Variants in DNM3 observed in about 807,000 individuals in gnomAD.
DNM3 encodes dynamin 3, also known as dynamin-3.
In DNM3, 47 loss-of-function variants were observed where a neutral mutation model predicts 101.6. The observed-to-expected ratio is 0.46, with a 90% confidence interval of 0.37 to 0.59. The LOEUF (loss-of-function observed/expected upper bound fraction) is 0.59. DNM3 is among the 20% of genes least tolerant of loss of function. DNM3 has a pLI of 0.00. For synonymous variants in DNM3, 385 were observed against 387.9 expected, an observed-to-expected ratio of 0.99 and a Z score of 0.09; for missense variants, 849 against 1,085.7, an observed-to-expected ratio of 0.78 and a Z score of 3.06.
intron 10 of DNM3, among the ~76,000 whole-genome samples, chr1:172,048,959 G>C (rs141138251): frequency 6.6e-5 from 10 of 152,270 alleles, no homozygotes; most frequent in Middle Eastern, 6.8e-3. Context: ...CGGTGGTTTA[G>C]AAAGAGTATA....
intron 4 of DNM3, among the ~76,000 whole-genome samples, chr1:172,024,343 T>C (rs542079975): frequency 2.6e-5 from 4 of 152,324 alleles, no homozygotes; most frequent in African/African-American, 9.6e-5. Flanking sequence ...ACAATGCCAT[T>C]ACAAGAAGGG....
At chr1:171,984,410 G>A (rs946857937) in intron 2 of DNM3, among the ~76,000 whole-genome samples, 3 of 151,772 alleles carry the variant, frequency 2.0e-5, no homozygotes, top group Admixed American at 6.6e-5. Flanking sequence ...CCTCCACACC[G>A]CCCGGTGCTC....
intron 1 of DNM3, among the ~76,000 whole-genome samples, chr1:171,881,034 A>T (rs1004408852): frequency 7.2e-5 from 11 of 152,110 alleles, no homozygotes; most frequent in African/African-American, 2.2e-4. Context: ...TCTTTTGTTG[A>T]TATCTCCCCA....
Position 171,875,813 on chromosome 1 carries a change from C to CTTTTTTTTTTTTTTTTTT in DNM3, c.161+34012_161+34013insTTTTTTTTTTTTTTTTTT, listed in dbSNP as rs60523795. 1.2e-4 allele frequency among the ~76,000 whole-genome samples: 13 copies of CTTTTTTTTTTTTTTTTTT among 104,662 alleles called. 3 individuals are homozygous for CTTTTTTTTTTTTTTTTTT. Among genetic ancestry groups the CTTTTTTTTTTTTTTTTTT allele is most frequent in the South Asian group, 3.6e-4 (1 of 2,816 alleles). 68.7% of individuals were successfully genotyped at this position (104,662 alleles called of 152,430 possible). A position where few individuals can be genotyped will look rare whatever the true frequency, so the allele number is the denominator to read the frequency against. On this transcript the variant is annotated intron_variant, in intron 1 of 20. Transcript: ENST00000627582. ...CAAGTCTAAAAAAAGAGTTGTCTCT[C>CTTTTTTTTTTTTTTTTTT]TTTTTTTTTTTTTTTTGAGATGGAG...
intron 10 of DNM3, among the ~76,000 whole-genome samples, chr1:172,060,104 A>T (rs1234664707): frequency 6.6e-6 from 1 of 150,926 alleles, no homozygotes; most frequent in African/African-American, 2.4e-5. Context: ...CAATTGCTTC[A>T]AAGAGAATAA....
At chr1:171,959,291 AT>A (rs2043057671) in intron 2 of DNM3, among the ~76,000 whole-genome samples, 1 of 152,038 alleles carries the variant, frequency 6.6e-6, no homozygotes, top group Non-Finnish European at 1.5e-5. Flanking sequence ...CAAATGTAGT[AT>A]TTTGTATTAT....
intron 15 of DNM3, among the ~76,000 whole-genome samples, chr1:172,258,155 T>TAAAGAAAAAA (rs2062494518): frequency 6.6e-6 from 1 of 152,104 alleles, no homozygotes; most frequent in Non-Finnish European, 1.5e-5. Flanking sequence ...ACTGTGTAAA[T>TAAAGAAAAAA]ATACCACCTT....
At chr1:172,281,894 C>G (rs2063504868) in intron 15 of DNM3, among the ~76,000 whole-genome samples, 1 of 151,648 alleles carries the variant, frequency 6.6e-6, no homozygotes, top group Admixed American at 6.6e-5. Context: ...TCACAGTACC[C>G]CATAAATATG....
At chr1:171,981,887 T>C (rs1488683798) in intron 2 of DNM3, among the ~76,000 whole-genome samples, 4 of 152,236 alleles carry the variant, frequency 2.6e-5, no homozygotes, top group African/African-American at 7.2e-5. Flanking sequence ...GGATGCGTTA[T>C]CACGGTTTCA....
chr1:171,994,180 G>A (rs1322563743), intron 4 of DNM3, among the ~76,000 whole-genome samples: 1 of 151,750 alleles, frequency 6.6e-6, no homozygotes, highest in African/African-American at 2.4e-5. Context: ...AAATTTTTTT[G>A]TTGAAAATTA....
chr1:171,880,719 T>TG (rs2036192049), intron 1 of DNM3, among the ~76,000 whole-genome samples: 1 of 152,170 alleles, frequency 6.6e-6, no homozygotes, highest in Non-Finnish European at 1.5e-5. Context: ...ATGTCTAGGA[T>TG]GGTCTAAGAG....
chr1:171,956,840 C>T lies in DNM3; in HGVS notation c.236-30816C>T, dbSNP rs547092939. 7.2e-5 allele frequency among the ~76,000 whole-genome samples: 11 copies of T among 152,290 alleles called. No homozygotes were observed. In the East Asian group the frequency reaches 1.4e-3, roughly 19 times the overall value. On this transcript the variant is annotated intron_variant, in intron 2 of 20. Coordinates refer to ENST00000627582, the MANE Select transcript of DNM3 (RefSeq NM_015569.5). Reference sequence around the variant, plus strand: ...CCTCAATTCTTGACTTCTGTGCCCCCGCAGACTCAATACCACATGGAAGCT... The same window carrying T: ...CCTCAATTCTTGACTTCTGTGCCCCTGCAGACTCAATACCACATGGAAGCT...
chr1:172,069,831 G>A (rs1258346497), intron 11 of DNM3, among the ~76,000 whole-genome samples: 2 of 152,128 alleles, frequency 1.3e-5, no homozygotes, highest in East Asian at 3.9e-4. Context: ...GCCTGTGTAA[G>A]TTAGTATTAC....
intron 15 of DNM3, among the ~76,000 whole-genome samples, chr1:172,274,260 G>A (rs1399522247): frequency 6.6e-6 from 1 of 152,042 alleles, no homozygotes; most frequent in Non-Finnish European, 1.5e-5. Flanking sequence ...GCTCTTTGCT[G>A]AGTGATGATG....
In DNM3 at chr1:172,043,476, G is replaced by A. The variant is rs1282375961; in HGVS notation, c.1129-909G>A. ...GTAAATAGATAATTTCATTAAAAAT[G>A]TGCTAAGTAAAGTGATAAACTTCAG... is the stretch of plus-strand genomic sequence containing the variant. On this transcript the variant is annotated intron_variant, in intron 8 of 20. Coordinates refer to ENST00000627582, the MANE Select transcript of DNM3 (RefSeq NM_015569.5). 2.0e-5 allele frequency among the ~76,000 whole-genome samples: 3 copies of A among 152,288 alleles called. No homozygotes were observed. The East Asian group carries it at 5.8e-4, about 29-fold the overall frequency.
At chr1:172,252,766 G>C (rs767626466) in intron 14 of DNM3, among the ~76,000 whole-genome samples, 1 of 152,110 alleles carries the variant, frequency 6.6e-6, no homozygotes, top group Non-Finnish European at 1.5e-5. Context: ...AAAAGTAAAT[G>C]TTTCCAATAA....
At chr1:172,338,971 A>G (rs1174244986) in intron 17 of DNM3, 1 of 424,734 alleles carries the variant, frequency 2.4e-6, no homozygotes, top group African/African-American at 2.1e-5. Context: ...TATTCTACTA[A>G]ATAATATTAA....
At chr1:171,943,393 G>A (rs182324416) in intron 2 of DNM3, among the ~76,000 whole-genome samples, 74 of 152,192 alleles carry the variant, frequency 4.9e-4, no homozygotes, top group African/African-American at 1.6e-3. Flanking sequence ...ACCCACCTCC[G>A]TTTTGGAATT....
At chr1:172,291,775 G>C (rs1387294684) in intron 15 of DNM3, among the ~76,000 whole-genome samples, 1 of 152,110 alleles carries the variant, frequency 6.6e-6, no homozygotes, top group Non-Finnish European at 1.5e-5. Flanking sequence ...GTATAGTTTT[G>C]GTCTTGCATG....
Sources: gnomAD v4.1 joint callset for allele counts (sites outside exome capture counted in the v4.1 genomes callset) on GRCh38, gnomAD v4.1.1 for gene constraint, MANE v1.5 for transcripts, NCBI Gene and HGNC (gene_info 2026-07-23, HGNC 2026-07-21) for gene names.